LAS1L: variants seen among roughly 807,000 people sequenced by gnomAD.
LAS1L encodes ribosomal biogenesis protein LAS1L.
In LAS1L, 5 loss-of-function variants were observed where a neutral mutation model predicts 57.3. The observed-to-expected ratio is 0.09, with a 90% CI of 0.05 to 0.18. LAS1L has a LOEUF of 0.18. LAS1L is among the 10% of genes least tolerant of loss of function. LAS1L has a pLI of 1.00. For missense variants in LAS1L, 360 were observed against 568.3 expected (o/e 0.63, Z 3.73); for synonymous variants, 245 against 231.7 (o/e 1.06, Z -0.52).
intron 4 of LAS1L, 108 bp from the exon 5 acceptor site, chrX:65,529,986 C>A: frequency 1.4e-6 from 1 of 720,604 alleles, no homozygotes; most frequent in Non-Finnish European, 2.0e-6. Flanking sequence ...GGCTTGGCTC[C>A]AAGGTTCAAA....
rs773658255 is a variant in LAS1L, at chrX:65,512,747, G to A, written c.*28C>T. The A allele has an allele frequency of 2.6e-6, 3 of 1,158,407 alleles. No individual in the cohort carries two copies. The South Asian group carries it at 5.9e-5, about 23-fold the overall frequency. On this transcript the variant is annotated 3_prime_UTR_variant, in exon 14 of 14. Coordinates refer to ENST00000374811, the MANE Select transcript of LAS1L (RefSeq NM_031206.7). ...GGTGGGCTGTTGCCCTGGCACGGCTGGATGAACACTTGCACCAGGGATGGC... is the reference window on the plus strand; with the variant it reads ...GGTGGGCTGTTGCCCTGGCACGGCTAGATGAACACTTGCACCAGGGATGGC...
intron 1 of LAS1L, among the ~76,000 whole-genome samples, chrX:65,534,016 T>G (rs1262633573): frequency 9.0e-6 from 1 of 111,369 alleles, no homozygotes; most frequent in Non-Finnish European, 1.9e-5. Flanking sequence ...CCAAATCAAC[T>G]CATTGAGCTA....
chrX:65,520,420 GC>G (rs1247737256), intron 11 of LAS1L: 1 of 749,622 alleles, frequency 1.3e-6, no homozygotes, highest in African/African-American at 2.3e-5. Context: ...ACAGCACCAT[GC>G]CTGACACTTA....
Position 65,516,721 on chromosome X carries a change from A to G in LAS1L, c.1927+1266T>C, listed in dbSNP as rs1017209080. ...ATGCCCCTCCCTTTCAATATTTACA[A>G]AGAACCCCCAACACAGCCCTCCTTG... On this transcript the variant is annotated intron_variant, in intron 12 of 13. Coordinates refer to ENST00000374811, the MANE Select transcript of LAS1L (RefSeq NM_031206.7). Among the ~76,000 whole-genome samples the G allele has an allele frequency of 4.6e-5, 5 of 108,657 alleles. No individual in the cohort carries two copies. The Admixed American group carries it at 5.0e-4, about 11-fold the overall frequency. 94.4% of individuals were successfully genotyped at this position (108,657 alleles called of 115,157 possible). A position where few individuals can be genotyped will look rare whatever the true frequency, so the allele number is the denominator to read the frequency against.
intron 13 of LAS1L, among the ~76,000 whole-genome samples, chrX:65,514,562 A>G (rs1018287598): frequency 4.6e-5 from 5 of 108,412 alleles, no homozygotes; most frequent in Non-Finnish European, 7.7e-5. Context: ...ACACACACAC[A>G]CACACGTCCA....
rs1240277414 is a variant in LAS1L at position 65,524,704 on chromosome X, G to A, written c.1043-90C>T. 2.4e-5 allele frequency: 12 copies of A among 499,330 alleles called. No individual in the cohort carries two copies. The Admixed American group carries it at 2.6e-4, about 11-fold the overall frequency. 41.2% of individuals were successfully genotyped at this position (499,330 alleles called of 1,213,427 possible). A position where few individuals can be genotyped will look rare whatever the true frequency, so the allele number is the denominator to read the frequency against. On this transcript the variant is annotated intron_variant, in intron 8 of 13. Coordinates refer to ENST00000374811, the MANE Select transcript of LAS1L (RefSeq NM_031206.7). ...CTCTAGCTAGCAGCTAAATCACAAC[G>A]AACATGGCACAATAATGTCATTAAG...
intron 7 of LAS1L, among the ~76,000 whole-genome samples, chrX:65,527,536 T>TA (rs1001970039): frequency 7.3e-5 from 6 of 82,695 alleles, no homozygotes; most frequent in Non-Finnish European, 1.4e-4. Context: ...GACCCTATCG[T>TA]AAAAAAAGAG....
rs1269674225 is a variant in LAS1L at position 65,521,961 on chromosome X, G to A, written c.1448+1599C>T. The stretch of plus-strand genomic sequence containing the variant: ...GGAAGGGTGGGAATGATAAGCTGAT[G>A]ATAACCCAACAGAGGGATGCAGGGT... On this transcript the variant is annotated intron_variant, in intron 11 of 13. Coordinates refer to ENST00000374811, the MANE Select transcript of LAS1L (RefSeq NM_031206.7). 15 of 111,974 alleles carry A rather than the reference G, an allele frequency of 1.3e-4. No homozygotes were observed. In the Admixed American group the frequency reaches 1.4e-3, roughly 11 times the overall value. The allele number at this position is 111,974 out of a possible 1,213,427, so 9.2% of individuals were successfully genotyped here.
intron 6 of LAS1L, 65 bp downstream of exon 6, chrX:65,529,145 TAG>T (rs927301396): frequency 1.1e-6 from 1 of 903,023 alleles, no homozygotes; most frequent in African/African-American, 2.0e-5. Flanking sequence ...TTCTCTCAGG[TAG>T]CTGGCAAGAG....
At chrX:65,524,428 C>T (rs910611490) in intron 9 of LAS1L, 136 bp downstream of exon 9, 4 of 494,063 alleles carry the variant, frequency 8.1e-6, no homozygotes, top group Non-Finnish European at 1.5e-5. Context: ...GTTGCCACCG[C>T]AGAACAAAGG....
intron 9 of LAS1L, 138 bp from the exon 10 acceptor site, chrX:65,524,400 C>A: frequency 1.9e-6 from 1 of 522,736 alleles, no homozygotes; most frequent in South Asian, 2.8e-5. Context: ...ATGAGCCAAG[C>A]CCCCCACCAA....
chrX:65,527,447 G>A (rs1166017711), intron 7 of LAS1L, among the ~76,000 whole-genome samples: 1 of 110,502 alleles, frequency 9.0e-6, no homozygotes, highest in African/African-American at 3.3e-5. Flanking sequence ...TGAGGTGGGA[G>A]GATTTCTTGA....
chrX:65,528,492 A>G lies in LAS1L; in HGVS notation c.847-123T>C, dbSNP rs1022642115. The G allele has an allele frequency of 7.4e-5, 32 of 435,014 alleles. No homozygotes were observed. In the African/African-American group the frequency reaches 7.6e-4, roughly 10 times the overall value. The allele number at this position is 435,014 out of a possible 1,213,427, so 35.9% of individuals were successfully genotyped here. Reference sequence around the variant, plus strand: ...CTGCAGGGGACAGGGCAGGGCATGCAGGGGGGGGCCCACAACTCCCCTACT... The same window carrying G: ...CTGCAGGGGACAGGGCAGGGCATGCGGGGGGGGGCCCACAACTCCCCTACT... On this transcript the variant is annotated intron_variant, in intron 6 of 13. Transcript: ENST00000374811.
In LAS1L at chrX:65,524,892, C is replaced by T. The variant is rs1435912614; in HGVS notation, c.1042+73G>A. On this transcript the variant is annotated intron_variant, in intron 8 of 13. Transcript: ENST00000374811. ...CAGCCTTCACACCCCAACCCAGGGC[C>T]CCCCAGCCCACCCCAGCTGTTTCCA... 27 of 893,118 alleles carry T rather than the reference C, an allele frequency of 3.0e-5. No individual in the cohort carries two copies. In the South Asian group the frequency reaches 4.2e-4, roughly 14 times the overall value. The allele number at this position is 893,118 out of a possible 1,213,427, so 73.6% of individuals were successfully genotyped here. A position where few individuals can be genotyped will look rare whatever the true frequency, so the allele number is the denominator to read the frequency against.
At chrX:65,515,152 C>A (rs1294505485) in intron 12 of LAS1L, among the ~76,000 whole-genome samples, 179 bp from the exon 13 acceptor site, 1 of 111,773 alleles carries the variant, frequency 8.9e-6, no homozygotes, top group Non-Finnish European at 1.9e-5. Flanking sequence ...CAGAGTGCTT[C>A]ACCACACATT....
chrX:65,518,080 A>G lies in LAS1L; in HGVS notation c.1834T>C (p.Ser612Pro). ...EEDRMEVGPF[S>P]TGQESPTAEN... ...GCAGTGGGGGACTCTTGCCCTGTAG[A>G]GAAAGGCCCCACCTCCATTCTGTCT... The change falls in exon 12 of 14, where the codon TCT becomes CCT. Residue 612 changes from serine to proline, a missense_variant. By Grantham distance (74) the Ser-to-Pro change is moderately conservative (BLOSUM62 -1). Around this residue, in one of 7 missense-constraint regions of LAS1L, gnomAD observed 123 missense variants for 168.3 expected, o/e 0.73. Transcript: ENST00000374811. 3 of 1,211,292 alleles carry G rather than the reference A, an allele frequency of 2.5e-6. No homozygotes were observed. The highest frequency in any genetic ancestry group is 3.4e-6 in the Non-Finnish European group (3 of 894,902).
In LAS1L at chrX:65,534,726, A is replaced by G; in HGVS notation, c.-11T>C. ...GGATTCCCACGACATACTGAGCTCA[A>G]CAACAGGCTCTGTGCCGCGCCGCTC... On this transcript the variant is annotated 5_prime_UTR_variant, in exon 1 of 14. Coordinates refer to ENST00000374811, the MANE Select transcript of LAS1L (RefSeq NM_031206.7). 5.3e-6 allele frequency: 6 copies of G among 1,139,915 alleles called. No individual in the cohort carries two copies. The highest frequency in any genetic ancestry group is 5.9e-6 in the Non-Finnish European group (5 of 848,597). 93.9% of individuals were successfully genotyped at this position (1,139,915 alleles called of 1,213,427 possible).
intron 12 of LAS1L, among the ~76,000 whole-genome samples, chrX:65,515,478 C>A (rs186208449): frequency 1.8e-5 from 2 of 110,681 alleles, no homozygotes; most frequent in East Asian, 5.7e-4. Flanking sequence ...AATCTACACA[C>A]ACACTCCCCT....
chrX:65,525,765 A>AAAAAAAAAAAAAAAAAG (rs1556309415), intron 7 of LAS1L, among the ~76,000 whole-genome samples: 4 of 107,506 alleles, frequency 3.7e-5, no homozygotes, highest in African/African-American at 1.4e-4. Context: ...AAAAAAAAAA[A>AAAAAAAAAAAAAAAAAG]AAAGAAAGAA....
Sources: gnomAD v4.1 joint callset for allele counts (sites outside exome capture counted in the v4.1 genomes callset) on GRCh38, gnomAD v4.1.1 for gene constraint, gnomAD v4.1.1 regional missense constraint, MANE v1.5 for transcripts, NCBI Gene and HGNC (gene_info 2026-07-23, HGNC 2026-07-21) for gene names.